Variants in DTNA observed in about 807,000 individuals in gnomAD.
DTNA encodes dystrophin-related protein 3.
In DTNA, 43 loss-of-function variants were observed where a neutral mutation model predicts 100.7. The observed-to-expected ratio is 0.43, with a 90% CI of 0.33 to 0.55. The LOEUF is 0.55. DTNA is among the 20% of genes least tolerant of loss of function. DTNA has a pLI of 0.04. For synonymous variants in DTNA, 349 were observed against 347.9 expected (o/e 1.00, Z -0.04); for missense variants, 798 against 953.9 (o/e 0.84, Z 2.15).
intron 4 of DTNA, among the ~76,000 whole-genome samples, chr18:34,799,566 A>G (rs1307045373): frequency 6.6e-6 from 1 of 152,246 alleles, no homozygotes; most frequent in East Asian, 1.9e-4. Flanking sequence ...AAGACTAGAT[A>G]TTTAAAACAG....
In DTNA at chr18:34,673,278, A is replaced by G. The variant is rs142698809; in HGVS notation, c.-1-82698A>G. Among the ~76,000 whole-genome samples the G allele has an allele frequency of 4.8e-3, 725 of 151,876 alleles. 5 individuals carry two copies. Among genetic ancestry groups the G allele is most frequent in the African/African-American group, 0.015 (637 of 41,444 alleles). On this transcript the variant is annotated intron_variant, in intron 1 of 19. Transcript: ENST00000283365. ...TTTTTGTATTATTAGTATTATTATT[A>G]TTATTTTTTCTCTATACAATTTCTG...
At chr18:34,844,787 T>C (rs1433548492) in intron 13 of DTNA, among the ~76,000 whole-genome samples, 1 of 152,092 alleles carries the variant, frequency 6.6e-6, no homozygotes, top group African/African-American at 2.4e-5. Flanking sequence ...CAGAAAAAAA[T>C]CAAAAGAATG....
At chr18:34,654,137 A>AT (rs1210921385) in intron 1 of DTNA, among the ~76,000 whole-genome samples, 2 of 152,114 alleles carry the variant, frequency 1.3e-5, no homozygotes, top group East Asian at 1.9e-4. Context: ...AGCTTGCTCA[A>AT]TTTTTTCTCC....
Position 34,682,480 on chromosome 18 carries a change from G to A in DTNA, c.-1-73496G>A, listed in dbSNP as rs144951057. Among the ~76,000 whole-genome samples, 13 of 152,242 alleles carry A rather than the reference G, an allele frequency of 8.5e-5. No individual in the cohort carries two copies. The East Asian group carries it at 2.5e-3, about 29-fold the overall frequency. ...TCTTCCAAGTTAATTGTATCATTTTGCATTTCCACCAGCAACAAATAAGTG... is the reference window on the plus strand; with the variant it reads ...TCTTCCAAGTTAATTGTATCATTTTACATTTCCACCAGCAACAAATAAGTG... On this transcript the variant is annotated intron_variant, in intron 1 of 19. Coordinates refer to the DTNA transcript ENST00000283365.
At chr18:34,503,130 C>G (rs2040106966) in intron 1 of DTNA, among the ~76,000 whole-genome samples, 1 of 151,870 alleles carries the variant, frequency 6.6e-6, no homozygotes, top group Non-Finnish European at 1.5e-5. Context: ...GTTTTATTTG[C>G]TCTGAAGACT....
At chr18:34,822,074 T>C (rs1388292730) in intron 9 of DTNA, among the ~76,000 whole-genome samples, 1 of 152,210 alleles carries the variant, frequency 6.6e-6, no homozygotes, top group Non-Finnish European at 1.5e-5. Context: ...GAGGCTCCTG[T>C]TTCTCAGCTT....
chr18:34,814,632 C>T (rs1238484918), intron 6 of DTNA, among the ~76,000 whole-genome samples: 1 of 151,728 alleles, frequency 6.6e-6, no homozygotes, highest in African/African-American at 2.4e-5. Context: ...TTCAAGGTTG[C>T]AGTGAGCTAT....
At chr18:34,883,053 A>G (rs1247002841) in intron 21 of DTNA, among the ~76,000 whole-genome samples, 2 of 152,218 alleles carry the variant, frequency 1.3e-5, no homozygotes, top group Non-Finnish European at 2.9e-5. Flanking sequence ...ACTGAACATG[A>G]CATATACAAT....
At chr18:34,709,626 C>T (rs1449585952), upstream of DTNA, 1 of 152,202 alleles carries the variant, frequency 6.6e-6, no homozygotes, top group Non-Finnish European at 1.5e-5. Flanking sequence ...ATAGAGCCCT[C>T]CCCACCTCAG....
rs150995229 is a variant in DTNA at position 34,857,326 on chromosome 18, A to G, written c.1533-959A>G. Among the ~76,000 whole-genome samples the G allele has an allele frequency of 4.5e-3, 679 of 152,324 alleles. 5 individuals are homozygous for G. Among genetic ancestry groups the G allele is most frequent in the African/African-American group, 0.016 (660 of 41,578 alleles). On this transcript the variant is annotated intron_variant, in intron 15 of 22. Coordinates refer to ENST00000444659, the MANE Select transcript of DTNA (RefSeq NM_001386795.1). ...GTTTTAAATCAGCCCTCCAAAATGGAAAGCTACTTCCTTGTACACCAAGTT... is the reference window on the plus strand; with the variant it reads ...GTTTTAAATCAGCCCTCCAAAATGGGAAGCTACTTCCTTGTACACCAAGTT...
chr18:34,516,846 C>T (rs796620185), intron 1 of DTNA, among the ~76,000 whole-genome samples: 257 of 152,110 alleles, frequency 1.7e-3, no homozygotes, highest in African/African-American at 5.5e-3. Context: ...GTGCAGATAA[C>T]GCAATCATCA....
Position 34,888,989 on chromosome 18 carries a change from G to C in DTNA, c.*1255G>C, listed in dbSNP as rs1188175470. 3 of 985,744 alleles carry C rather than the reference G, an allele frequency of 3.0e-6. No homozygotes were observed. Among genetic ancestry groups the C allele is most frequent in the African/African-American group, 1.7e-5 (1 of 57,242 alleles). The allele number at this position is 985,744 out of a possible 1,614,324, so 61.1% of individuals were successfully genotyped here. A position where few individuals can be genotyped will look rare whatever the true frequency, so the allele number is the denominator to read the frequency against. ...TTTTTGCACTCAGTGAAAAGCTGAA[G>C]TGCAAAAGAGCTATCAAAGACAAGA... On this transcript the variant is annotated 3_prime_UTR_variant, in exon 23 of 23. Coordinates refer to ENST00000444659, the MANE Select transcript of DTNA (RefSeq NM_001386795.1).
At chr18:34,712,689 C>T (rs1253951280) in intron 1 of DTNA, among the ~76,000 whole-genome samples, 1 of 152,038 alleles carries the variant, frequency 6.6e-6, no homozygotes, top group East Asian at 1.9e-4. Context: ...TTTAATTGTA[C>T]AGTATTTGTT....
At chr18:34,577,036 A>G (rs549078759) in intron 1 of DTNA, among the ~76,000 whole-genome samples, 103 of 152,262 alleles carry the variant, frequency 6.8e-4, no homozygotes, top group African/African-American at 2.4e-3. Flanking sequence ...AGTAATAAAT[A>G]GTATTTGTGT....
intron 1 of DTNA, among the ~76,000 whole-genome samples, chr18:34,568,694 G>C (rs1450581566): frequency 6.6e-6 from 1 of 152,034 alleles, no homozygotes; most frequent in African/African-American, 2.4e-5. Flanking sequence ...CACGATCTTG[G>C]CTCATTGCAA....
intron 1 of DTNA, among the ~76,000 whole-genome samples, chr18:34,740,140 T>A (rs1363441491): frequency 6.6e-6 from 1 of 152,172 alleles, no homozygotes; most frequent in African/African-American, 2.4e-5. Context: ...TTTTGCTAGC[T>A]TTTATAGGAC....
At chr18:34,672,840 A>G (rs72953209) in intron 1 of DTNA, among the ~76,000 whole-genome samples, 71 of 152,214 alleles carry the variant, frequency 4.7e-4, no homozygotes, top group East Asian at 9.7e-4. Context: ...GTGTGTGTGT[A>G]TAACTGGAAG....
At chr18:34,747,623 T>C (rs2091814055) in intron 1 of DTNA, among the ~76,000 whole-genome samples, 1 of 152,142 alleles carries the variant, frequency 6.6e-6, no homozygotes, top group Non-Finnish European at 1.5e-5. Context: ...GTTACTTCAC[T>C]AAAAATAATG....
At chr18:34,560,246 C>A (rs900348611) in intron 1 of DTNA, among the ~76,000 whole-genome samples, 1 of 152,202 alleles carries the variant, frequency 6.6e-6, no homozygotes, top group Non-Finnish European at 1.5e-5. Context: ...TCCTTGAGAG[C>A]AGGAACTGTA....
Sources: allele counts gnomAD v4.1 joint callset (sites outside exome capture counted in the v4.1 genomes callset), GRCh38; gene constraint gnomAD v4.1.1; transcripts MANE v1.5; gene names NCBI Gene and HGNC (gene_info 2026-07-23, HGNC 2026-07-21).